Variants in ST6GAL1 observed in about 807,000 individuals in gnomAD.
ST6GAL1 encodes the protein beta-galactoside alpha-2,6-sialyltransferase 1.
In ST6GAL1, 20 loss-of-function variants were observed where a neutral mutation model predicts 38.0. The observed-to-expected ratio is 0.53, with a 90% CI of 0.37 to 0.77. The LOEUF (loss-of-function observed/expected upper bound fraction) is 0.77. ST6GAL1 is among the 30% of genes least tolerant of loss of function. The pLI is 0.00. For synonymous variants in ST6GAL1, 196 were observed against 188.2 expected, an observed-to-expected ratio of 1.04 and a Z score of -0.34; for missense variants, 432 against 496.4, an observed-to-expected ratio of 0.87 and a Z score of 1.23.
chr3:187,046,415 A>T (rs964301409), intron 4 of ST6GAL1, among the ~76,000 whole-genome samples: 1 of 152,212 alleles, frequency 6.6e-6, no homozygotes, highest in Non-Finnish European at 1.5e-5. Flanking sequence ...TTAATTCTAG[A>T]GAAGGATCAG....
At chr3:187,066,178 A>G (rs1719116280) in intron 5 of ST6GAL1, among the ~76,000 whole-genome samples, 1 of 152,306 alleles carries the variant, frequency 6.6e-6, no homozygotes. Flanking sequence ...CAGTCTATTA[A>G]TATCATAATT....
intron 3 of ST6GAL1, 67 bp from the exon 4 acceptor site, chr3:187,042,587 G>A (rs1053520930): frequency 7.3e-5 from 104 of 1,419,356 alleles, no homozygotes; most frequent in Middle Eastern, 1.8e-4. Flanking sequence ...TCAGTCCATC[G>A]CTCCGCCTCA....
Position 187,075,876 on chromosome 3 carries a change from A to G in ST6GAL1, c.*73A>G, listed in dbSNP as rs1469229291. ...TTGGCCACCCCAGCCTGGGAAGAACATTTTCCTGAACAATTCCAGCCTGCT... is the reference window on the plus strand; with the variant it reads ...TTGGCCACCCCAGCCTGGGAAGAACGTTTTCCTGAACAATTCCAGCCTGCT... On this transcript the variant is annotated 3_prime_UTR_variant, in exon 8 of 8. Transcript: ENST00000169298. This position sits in a 1 kb window ranked among gnomAD's most constrained non-coding sequence, Gnocchi z 4.1. The G allele has an allele frequency of 6.3e-7, 1 of 1,584,004 alleles. No homozygotes were observed. The highest frequency in any genetic ancestry group is 1.2e-5 in the South Asian group (1 of 86,078).
intron 2 of ST6GAL1, among the ~76,000 whole-genome samples, chr3:186,998,352 A>G (rs942766649): frequency 1.3e-5 from 2 of 152,254 alleles, no homozygotes; most frequent in African/African-American, 2.4e-5. Context: ...CATATTTTAT[A>G]TGTTATGTGT....
At chr3:187,012,406 C>T (rs750898827) in intron 2 of ST6GAL1, among the ~76,000 whole-genome samples, 3 of 152,004 alleles carry the variant, frequency 2.0e-5, no homozygotes, top group Admixed American at 6.6e-5. Flanking sequence ...AACAGGCGTG[C>T]GCCACCATAC....
At chr3:186,951,363 C>A (rs1402593412) in intron 1 of ST6GAL1, among the ~76,000 whole-genome samples, 2 of 152,172 alleles carry the variant, frequency 1.3e-5, no homozygotes, top group African/African-American at 4.8e-5. Flanking sequence ...GGCCGTAATT[C>A]TTGGCCATGA....
intron 2 of ST6GAL1, among the ~76,000 whole-genome samples, chr3:186,989,602 T>C (rs1181177707): frequency 6.6e-6 from 1 of 152,196 alleles, no homozygotes; most frequent in Non-Finnish European, 1.5e-5. Flanking sequence ...CGAGGGAACC[T>C]GGATAACATT....
At chr3:187,066,139 T>G (rs1719112982) in intron 5 of ST6GAL1, among the ~76,000 whole-genome samples, 1 of 152,310 alleles carries the variant, frequency 6.6e-6, no homozygotes, top group African/African-American at 2.4e-5. Context: ...GATGGTGAGC[T>G]GGGTGATTTT....
rs372771140 is a variant in ST6GAL1 at position 187,069,309 on chromosome 3, A to G, written c.706-3540A>G. On this transcript the variant is annotated intron_variant, in intron 5 of 7. Coordinates refer to ENST00000169298, the MANE Select transcript of ST6GAL1 (RefSeq NM_173216.2). ...GCCACCACGCCTGGCTAATTTTTGTATTTTTGGTAGAGACAGGGTTTCGCC... is the reference window on the plus strand; with the variant it reads ...GCCACCACGCCTGGCTAATTTTTGTGTTTTTGGTAGAGACAGGGTTTCGCC... 3.7e-4 allele frequency among the ~76,000 whole-genome samples: 56 copies of G among 152,056 alleles called. 1 individual carries two copies. In the South Asian group the frequency reaches 0.012, roughly 32 times the overall value.
At chr3:187,066,121 A>G (rs1719111818) in intron 5 of ST6GAL1, among the ~76,000 whole-genome samples, 1 of 152,168 alleles carries the variant, frequency 6.6e-6, no homozygotes, top group Admixed American at 6.5e-5. Flanking sequence ...AACGGGTCTA[A>G]AACCAGCGAT....
chr3:187,060,351 A>T (rs1273719475), intron 5 of ST6GAL1, among the ~76,000 whole-genome samples: 1 of 151,984 alleles, frequency 6.6e-6, no homozygotes, highest in East Asian at 1.9e-4. Flanking sequence ...AGCAGAGACG[A>T]GGTTTCACTG....
At chr3:187,054,917 G>A (rs1190475914) in intron 5 of ST6GAL1, among the ~76,000 whole-genome samples, 1 of 152,090 alleles carries the variant, frequency 6.6e-6, no homozygotes, top group Non-Finnish European at 1.5e-5. Flanking sequence ...CTGTGAATCC[G>A]TCTGGTCCTG....
At chr3:186,942,026 A>T (rs1220296816) in intron 1 of ST6GAL1, among the ~76,000 whole-genome samples, 1 of 151,434 alleles carries the variant, frequency 6.6e-6, no homozygotes, top group Non-Finnish European at 1.5e-5. Flanking sequence ...AAAAAAAAAA[A>T]GTTGCAAGTA....
At chr3:187,046,250 T>C (rs1014616085) in intron 4 of ST6GAL1, among the ~76,000 whole-genome samples, 1 of 152,144 alleles carries the variant, frequency 6.6e-6, no homozygotes, top group Non-Finnish European at 1.5e-5. Context: ...GAAATGATCT[T>C]GAGTGAGAGG....
chr3:186,981,491 T>C (rs1281201277), intron 2 of ST6GAL1, among the ~76,000 whole-genome samples: 2 of 152,212 alleles, frequency 1.3e-5, no homozygotes, highest in Non-Finnish European at 2.9e-5. Context: ...TACTGCCTTG[T>C]ACCGTGGGTA....
intron 1 of ST6GAL1, among the ~76,000 whole-genome samples, chr3:186,955,595 C>T (rs1440399654): frequency 2.6e-5 from 4 of 152,018 alleles, no homozygotes; most frequent in East Asian, 1.9e-4. Flanking sequence ...CTCCACCTCC[C>T]GGGTTCAAGC....
At chr3:187,038,211 T>C (rs1292088747) in intron 2 of ST6GAL1, among the ~76,000 whole-genome samples, 2 of 147,356 alleles carry the variant, frequency 1.4e-5, no homozygotes, top group Admixed American at 6.7e-5. Context: ...TTTTTTTTTT[T>C]TTTTTTTCTT....
At chr3:186,940,543 C>G (rs367831934) in intron 1 of ST6GAL1, among the ~76,000 whole-genome samples, 1 of 152,224 alleles carries the variant, frequency 6.6e-6, no homozygotes, top group South Asian at 2.1e-4. Context: ...GCTTTGAATG[C>G]GGCCCAACAC....
chr3:186,977,140 CTTCT>C (rs1275958519), intron 2 of ST6GAL1, among the ~76,000 whole-genome samples: 2 of 152,230 alleles, frequency 1.3e-5, no homozygotes, highest in African/African-American at 4.8e-5. Context: ...GGCATGTGGA[CTTCT>C]TTCTGTCTGC....
Sources: gnomAD v4.1 joint callset for allele counts (sites outside exome capture counted in the v4.1 genomes callset) on GRCh38, gnomAD v4.1.1 for gene constraint, Gnocchi (gnomAD v3.1) non-coding constraint, MANE v1.5 for transcripts, NCBI Gene and HGNC (gene_info 2026-07-23, HGNC 2026-07-21) for gene names.